CHM: variants seen among roughly 807,000 people sequenced by gnomAD.
CHM encodes the protein CHM Rab escort protein, also known as rab proteins geranylgeranyltransferase component A 1.
A neutral mutation model predicts 49.0 loss-of-function variants in CHM; 10 were observed. The ratio of observed to expected loss-of-function variants is 0.20; its 90% CI spans 0.13 to 0.35. The LOEUF is 0.35. Among genes scored for constraint, CHM ranks in the 10% least tolerant of loss-of-function variants. CHM has a pLI of 1.00. For synonymous variants in CHM, 184 were observed against 167.5 expected, an observed-to-expected ratio of 1.10 and a Z score of -0.76; for missense variants, 455 against 478.4, an observed-to-expected ratio of 0.95 and a Z score of 0.46.
chrX:85,979,001 A>G (rs987825538), intron 3 of CHM, 110 bp from the exon 4 acceptor site: 10 of 838,295 alleles, frequency 1.2e-5, no homozygotes, highest in Non-Finnish European at 1.7e-5. Flanking sequence ...CATCTTACCA[A>G]AACTCAAAGG....
chrX:85,913,034 A>AG lies in CHM; in HGVS notation c.1167-1697_1167-1696insC, dbSNP rs1927141805. ...TCTCAGAAAAAAAAAAAAAAAAAAA[A>AG]AAAAAGGAAAGAAAGAGGCAGGGCC... On this transcript the variant is annotated intron_variant, in intron 8 of 14. Transcript: ENST00000357749. 4.6e-5 allele frequency among the ~76,000 whole-genome samples: 4 copies of AG among 87,001 alleles called. No individual in the cohort carries two copies. The South Asian group carries it at 2.0e-3, about 43-fold the overall frequency. 75.5% of individuals were successfully genotyped at this position (87,001 alleles called of 115,157 possible).
At chrX:86,034,673 G>A (rs746685993) in intron 1 of CHM, among the ~76,000 whole-genome samples, 3 of 111,346 alleles carry the variant, frequency 2.7e-5, no homozygotes, top group Non-Finnish European at 3.8e-5. Context: ...CCAGGTACTC[G>A]GGAGGCTGAG....
chrX:85,881,500 A>C (rs1248391973), intron 12 of CHM, among the ~76,000 whole-genome samples: 1 of 112,184 alleles, frequency 8.9e-6, no homozygotes, highest in Admixed American at 9.5e-5. Flanking sequence ...TTTACAGATG[A>C]GAAAACAGGG....
At chrX:85,945,682 T>C (rs767145260) in intron 8 of CHM, among the ~76,000 whole-genome samples, 21 of 109,529 alleles carry the variant, frequency 1.9e-4, no homozygotes, top group African/African-American at 7.0e-4. Flanking sequence ...ACAGAAAACT[T>C]GTACAGAGGA....
intron 1 of CHM, among the ~76,000 whole-genome samples, chrX:86,046,555 T>C (rs370497637): frequency 3.0e-4 from 34 of 111,783 alleles, no homozygotes; most frequent in South Asian, 1.5e-3. Flanking sequence ...ATGGACAGGG[T>C]CCCATCCACC....
chrX:85,969,316 T>C, intron 4 of CHM: 1 of 742,932 alleles, frequency 1.3e-6, no homozygotes, highest in Non-Finnish European at 1.6e-6. Context: ...CTTTATGCAA[T>C]TAACAAGCAA....
chrX:85,999,148 T>A (rs2147742624), intron 2 of CHM, among the ~76,000 whole-genome samples: 1 of 111,411 alleles, frequency 9.0e-6, no homozygotes, highest in South Asian at 3.7e-4. Context: ...CTGACAGACA[T>A]ATAACAATGA....
At chrX:85,880,600 C>T (rs1239132428) in intron 12 of CHM, among the ~76,000 whole-genome samples, 2 of 111,259 alleles carry the variant, frequency 1.8e-5, no homozygotes, top group Non-Finnish European at 3.8e-5. Flanking sequence ...ACTATTGGTT[C>T]TGTTAAACAG....
chrX:85,884,304 C>T (rs1924952695), intron 12 of CHM, among the ~76,000 whole-genome samples: 1 of 110,918 alleles, frequency 9.0e-6, no homozygotes, highest in Admixed American at 9.6e-5. Flanking sequence ...CCCAAAGTTG[C>T]TTAGAAAAAC....
chrX:85,925,933 C>CT (rs1313261520), intron 8 of CHM, among the ~76,000 whole-genome samples: 2 of 110,786 alleles, frequency 1.8e-5, no homozygotes, highest in East Asian at 5.7e-4. Context: ...AGACCATCTT[C>CT]TTAGAAACAC....
At chrX:86,029,661 A>G (rs1179663646) in intron 1 of CHM, among the ~76,000 whole-genome samples, 1 of 111,770 alleles carries the variant, frequency 8.9e-6, no homozygotes, top group Non-Finnish European at 1.9e-5. Flanking sequence ...AATTCAAATT[A>G]CCATGATAAT....
rs890068504 is a variant in CHM at position 85,862,300 on chromosome X, T to C, written c.*2330A>G. ...TACCCTGATTGTCTGTTTACATGAATGTGCATGCTGCATTCAAGCGGCTTT... is the reference window on the plus strand; with the variant it reads ...TACCCTGATTGTCTGTTTACATGAACGTGCATGCTGCATTCAAGCGGCTTT... On this transcript the variant is annotated 3_prime_UTR_variant, in exon 15 of 15. Coordinates refer to ENST00000357749, the MANE Select transcript of CHM (RefSeq NM_000390.4). 1.2e-4 allele frequency: 13 copies of C among 112,555 alleles called. No homozygotes were observed. In the Admixed American group the frequency reaches 1.2e-3, roughly 11 times the overall value. 9.3% of individuals were successfully genotyped at this position (112,555 alleles called of 1,213,427 possible).
chrX:85,956,144 C>T lies in CHM; in HGVS notation c.1166+9G>A, dbSNP rs892546220. 8 of 1,199,931 alleles carry T rather than the reference C, an allele frequency of 6.7e-6. No homozygotes were observed. In the Admixed American group the frequency reaches 1.5e-4, roughly 23 times the overall value. On this transcript the variant is annotated intron_variant, in intron 8 of 14. Coordinates refer to ENST00000357749, the MANE Select transcript of CHM (RefSeq NM_000390.4). The stretch of plus-strand genomic sequence containing the variant: ...TTAGAAGGGACAAGAAAATCAATGG[C>T]AAACTTACCTGCAGAAACACTGGGG...
intron 8 of CHM, among the ~76,000 whole-genome samples, chrX:85,931,928 G>A (rs1184326542): frequency 8.9e-6 from 1 of 112,373 alleles, no homozygotes; most frequent in Non-Finnish European, 1.9e-5. Flanking sequence ...TTTGTGCTTT[G>A]CTGCTTTCAG....
At chrX:85,946,647 C>T in intron 8 of CHM, among the ~76,000 whole-genome samples, 1 of 112,165 alleles carries the variant, frequency 8.9e-6, no homozygotes, top group East Asian at 2.8e-4. Flanking sequence ...AGGCAGAAAC[C>T]CACTGCACAG....
At position 85,861,248 on chromosome X, in the gene CHM, C is replaced by T. The variant is rs778184226; in HGVS notation, c.*3382G>A. 8.9e-6 allele frequency: 1 copy of T among 111,991 alleles called. No homozygotes were observed. Among genetic ancestry groups the T allele is most frequent in the African/African-American group, 3.2e-5 (1 of 30,902 alleles). 9.2% of individuals were successfully genotyped at this position (111,991 alleles called of 1,213,427 possible). A position where few individuals can be genotyped will look rare whatever the true frequency, so the allele number is the denominator to read the frequency against. ...GTAAAGTATACAATTTATGAATAAT[C>T]ATATATTCATGCTTTTTGAAATATA... On this transcript the variant is annotated 3_prime_UTR_variant, in exon 15 of 15. Coordinates refer to ENST00000357749, the MANE Select transcript of CHM (RefSeq NM_000390.4).
At chrX:85,903,122 C>T (rs1226958725) in intron 9 of CHM, among the ~76,000 whole-genome samples, 1 of 111,332 alleles carries the variant, frequency 9.0e-6, no homozygotes, top group Admixed American at 9.6e-5. Flanking sequence ...CAGTCAAATG[C>T]ATTAAAAAGA....
intron 2 of CHM, among the ~76,000 whole-genome samples, chrX:86,021,118 G>A (rs866898317): frequency 2.0e-3 from 72 of 35,850 alleles, no homozygotes; most frequent in Non-Finnish European, 3.0e-3. Flanking sequence ...ATATATATGT[G>A]TATATACGTA....
At chrX:86,045,587 T>C (rs920344640) in intron 1 of CHM, among the ~76,000 whole-genome samples, 1 of 111,769 alleles carries the variant, frequency 8.9e-6, no homozygotes, top group African/African-American at 3.3e-5. Context: ...TTTTTCCAAA[T>C]ATAAGCGATG....
Sources: allele counts gnomAD v4.1 joint callset (sites outside exome capture counted in the v4.1 genomes callset), GRCh38; gene constraint gnomAD v4.1.1; transcripts MANE v1.5; gene names NCBI Gene and HGNC (gene_info 2026-07-23, HGNC 2026-07-21).